Variants in HDAC7 observed in about 807,000 individuals in gnomAD.
HDAC7 encodes histone deacetylase 7A.
In HDAC7, 26 loss-of-function variants were observed where a neutral mutation model predicts 115.5. The observed-to-expected ratio is 0.23, with a 90% confidence interval of 0.16 to 0.31. HDAC7 has a LOEUF of 0.31. Among genes scored for constraint, HDAC7 ranks in the 10% least tolerant of loss-of-function variants. The pLI, the probability that HDAC7 is intolerant of heterozygous loss-of-function variation, is 1.00. For synonymous variants in HDAC7, 564 were observed against 550.9 expected (o/e 1.02, Z -0.33); for missense variants, 1,068 against 1,329.0 (o/e 0.80, Z 3.05).
chr12:47,816,256 T>G (rs1262196436), intron 1 of HDAC7, among the ~76,000 whole-genome samples: 2 of 152,000 alleles, frequency 1.3e-5, no homozygotes, highest in Non-Finnish European at 2.9e-5. Context: ...GAACCCGCAT[T>G]TGAGAATCCC....
rs777491988 is a variant in HDAC7 at position 47,796,274 on chromosome 12, G to A, written c.728C>T (p.Thr243Met). 6.9e-6 allele frequency: 11 copies of A among 1,597,544 alleles called. No individual in the cohort carries two copies. Among genetic ancestry groups the A allele is most frequent in the South Asian group, 3.4e-5 (3 of 87,514 alleles). ...LGDSSPSSSS[T>M]PASGCSSPND... ...GGGGGAGCTGCACCCTGATGCGGGC[G>A]TGCTGCTACTACTTGGGGAGGAGTC... Residue 243 changes from threonine (T) to methionine (M), a missense_variant, in exon 8 of 26, where the codon ACG (threonine) becomes ATG (methionine). Thr to Met is a moderately conservative substitution (Grantham distance 81). This residue lies in a region of HDAC7 where 618 missense variants were observed against 701.5 expected (regional missense o/e 0.88). Coordinates refer to ENST00000080059, the MANE Select transcript of HDAC7 (RefSeq NM_015401.5).
intron 1 of HDAC7, among the ~76,000 whole-genome samples, chr12:47,812,315 G>T (rs1330203736): frequency 6.6e-6 from 1 of 152,312 alleles, no homozygotes; most frequent in Non-Finnish European, 1.5e-5. Context: ...ATTTGGCCTG[G>T]TTTTTTCTGT....
intron 1 of HDAC7, among the ~76,000 whole-genome samples, chr12:47,807,505 G>C (rs1425107433): frequency 1.3e-5 from 2 of 152,108 alleles, no homozygotes; most frequent in Non-Finnish European, 2.9e-5. Context: ...GCTGGGACTT[G>C]AGCCCAGGCA....
At chr12:47,790,724 G>A (rs938709456) in intron 16 of HDAC7, 21 of 167,308 alleles carry the variant, frequency 1.3e-4, no homozygotes, top group South Asian at 4.3e-4. Context: ...CGGAGGGAGC[G>A]GGAAGCTCCC....
Position 47,798,869 on chromosome 12 carries a change from C to A in HDAC7, c.174G>T (p.Leu58Phe), listed in dbSNP as rs867197710. 6.4e-7 allele frequency: 1 copy of A among 1,554,086 alleles called. No individual in the cohort carries two copies. The highest frequency in any genetic ancestry group is 8.7e-7 in the Non-Finnish European group (1 of 1,150,710). ...PPVEPPPEPTLLALQRPQRLH... is the reference protein window; with the variant it reads ...PPVEPPPEPTFLALQRPQRLH... ...GGCGCTGGGGACGCTGCAGGGCCAG[C>A]AATGTGGGCTCTGGTGGGGGCTCCA... The change falls in exon 3 of 26, where the codon TTG becomes TTT. Residue 58 changes from leucine (L) to phenylalanine (F), a missense_variant. Transcript: ENST00000080059. The surrounding 1 kb of genome is among the most constrained non-coding windows in gnomAD (Gnocchi z 4.3).
At chr12:47,792,644 A>G in intron 13 of HDAC7, 1 of 456,066 alleles carries the variant, frequency 2.2e-6, no homozygotes, top group Non-Finnish European at 4.4e-6. Context: ...CATGTGACCC[A>G]GGAATGCTAC....
Position 47,819,793 on chromosome 12 carries a change from C to A in HDAC7, c.-8G>T. On this transcript the variant is annotated 5_prime_UTR_variant, in exon 1 of 26. Transcript: ENST00000080059. ...AGCGCCGGGGCTGTGCATCCAGGGG[C>A]CGGGGCCCTCAGAGCGGGGGGCTCA... 1 of 562,678 alleles carries A rather than the reference C, an allele frequency of 1.8e-6. No individual in the cohort carries two copies. The highest frequency in any genetic ancestry group is 2.3e-6 in the Non-Finnish European group (1 of 435,298). 34.9% of individuals were successfully genotyped at this position (562,678 alleles called of 1,614,324 possible). A position where few individuals can be genotyped will look rare whatever the true frequency, so the allele number is the denominator to read the frequency against.
intron 12 of HDAC7, among the ~76,000 whole-genome samples, chr12:47,794,466 G>C (rs1247219845): frequency 6.6e-6 from 1 of 152,192 alleles, no homozygotes; most frequent in African/African-American, 2.4e-5. Context: ...AGACATACCA[G>C]GGCAGGACTA....
At chr12:47,809,126 T>C (rs1223020631) in intron 1 of HDAC7, among the ~76,000 whole-genome samples, 1 of 152,168 alleles carries the variant, frequency 6.6e-6, no homozygotes, top group African/African-American at 2.4e-5. Context: ...CCAGTCTTTC[T>C]CAAGGGCCAG....
rs769508062 is a variant in HDAC7 at position 47,791,646 on chromosome 12, C to T, written c.1873G>A (p.Val625Met). The change falls in exon 15 of 26, where the codon GTG becomes ATG. Residue 625 changes from valine to methionine, a missense_variant. Coordinates refer to ENST00000080059, the MANE Select transcript of HDAC7 (RefSeq NM_015401.5). ...AGCGGGTTGGTGCCGTAGAGGAGCA[C>T]GTGCCGCTCAGAGTGGACCGACTGC... ...ELQSVHSERH[V>M]LLYGTNPLSR... The T allele has an allele frequency of 6.8e-6, 11 of 1,612,994 alleles. No individual in the cohort carries two copies. Among genetic ancestry groups the T allele is most frequent in the Admixed American group, 1.7e-5 (1 of 59,904 alleles).
At chr12:47,787,930 G>T in intron 20 of HDAC7, 115 bp downstream of exon 20, 4 of 1,555,522 alleles carry the variant, frequency 2.6e-6, no homozygotes, top group Non-Finnish European at 3.5e-6. Flanking sequence ...GGAAGTTTAG[G>T]ATCAGAGAGG....
intron 1 of HDAC7, among the ~76,000 whole-genome samples, chr12:47,810,506 G>A (rs1356398011): frequency 6.6e-6 from 1 of 152,190 alleles, no homozygotes; most frequent in Non-Finnish European, 1.5e-5. Context: ...CCCACAAAGT[G>A]TGCTGTGTTC....
At chr12:47,794,675 C>G in intron 12 of HDAC7, 85 bp downstream of exon 12, 1 of 1,359,476 alleles carries the variant, frequency 7.4e-7, no homozygotes, top group Non-Finnish European at 9.8e-7. Context: ...GCACTGATGT[C>G]GTATCTCCCT....
rs1943622591 is a variant in HDAC7 at position 47,793,261 on chromosome 12, C to A, written c.1678+108G>T. 7 of 841,718 alleles carry A rather than the reference C, an allele frequency of 8.3e-6. No individual in the cohort carries two copies. The South Asian group carries it at 9.1e-5, about 11-fold the overall frequency. 52.1% of individuals were successfully genotyped at this position (841,718 alleles called of 1,614,324 possible). The stretch of plus-strand genomic sequence containing the variant: ...TGGGTACTACGTGGGCCTAACAAGG[C>A]TAAGCACTCTGTGGCCTCTAAAAAT... On this transcript the variant is annotated intron_variant, in intron 13 of 25. Transcript: ENST00000080059. The surrounding 1 kb of genome is among the most constrained non-coding windows in gnomAD (Gnocchi z 4.5).
At position 47,792,023 on chromosome 12, in the gene HDAC7, G is replaced by C. The variant is rs779191826; in HGVS notation, c.1679-19C>G. On this transcript the variant is annotated intron_variant, in intron 13 of 25. Coordinates refer to ENST00000080059, the MANE Select transcript of HDAC7 (RefSeq NM_015401.5). ...ATCAGCCCTGCAGGAGCAAGGGTCAGAGCGGGGACCCAGGGAGTCCTCACG... is the reference window on the plus strand; with the variant it reads ...ATCAGCCCTGCAGGAGCAAGGGTCACAGCGGGGACCCAGGGAGTCCTCACG... 1.3e-6 allele frequency: 2 copies of C among 1,590,682 alleles called. No homozygotes were observed. Among genetic ancestry groups the C allele is most frequent in the Non-Finnish European group, 1.7e-6 (2 of 1,164,522 alleles).
In HDAC7 at chr12:47,794,780, G is replaced by A. The variant is rs1943714542; in HGVS notation, c.1438C>T (p.Pro480Ser). 1.0e-5 allele frequency: 16 copies of A among 1,607,994 alleles called. No homozygotes were observed. The highest frequency in any genetic ancestry group is 4.4e-5 in the South Asian group (4 of 90,370). Residue 480 changes from proline to serine, a missense_variant, in exon 12 of 26, where the codon CCT becomes TCT. Around this residue, in one of 6 missense-constraint regions of HDAC7, gnomAD observed 618 missense variants for 701.5 expected, o/e 0.88. Coordinates refer to ENST00000080059, the MANE Select transcript of HDAC7 (RefSeq NM_015401.5). ...CATACCTGAGGGTGCTGCTGGAGAG[G>A]AGCGGGGCCTCTGGCCTCAGGCTGC... ...HGQPEARGPA[P>S]LQQHPQVLLW... is the part of the protein sequence containing the mutation.
rs2240105 is a variant in HDAC7, at chr12:47,791,573, A to G, written c.1933+13T>C. On this transcript the variant is annotated intron_variant, in intron 15 of 25. Transcript: ENST00000080059. ...TAAGCTGGCATGGGGAGACAGGGCC[A>G]CTAGGCCATTACCTGCCAGCTTCCC... The G allele has an allele frequency of 0.14, 229,035 of 1,599,114 alleles. 17,633 individuals are homozygous for G. The highest frequency in any genetic ancestry group is 0.25 in the Middle Eastern group (1,523 of 6,012).
chr12:47,784,047 C>A (rs1943008024), intron 25 of HDAC7, 32 bp downstream of exon 25: 1 of 1,609,506 alleles, frequency 6.2e-7, no homozygotes, highest in Non-Finnish European at 8.5e-7. Context: ...GGTGGAGAGG[C>A]TGTGGGCCCA....
At chr12:47,806,945 CTTTT>C (rs71077176) in intron 1 of HDAC7, among the ~76,000 whole-genome samples, 1 of 144,870 alleles carries the variant, frequency 6.9e-6, no homozygotes, top group Non-Finnish European at 1.5e-5. Flanking sequence ...CTCTCTCTCT[CTTTT>C]TTTTTTTTGA....
Sources: allele counts gnomAD v4.1 joint callset (sites outside exome capture counted in the v4.1 genomes callset), GRCh38; gene constraint gnomAD v4.1.1; regional missense constraint gnomAD v4.1.1; non-coding constraint Gnocchi (gnomAD v3.1); transcripts MANE v1.5; gene names NCBI Gene and HGNC (gene_info 2026-07-23, HGNC 2026-07-21).